Variants in EYA1 observed in about 807,000 individuals in gnomAD.
EYA1 encodes the protein protein phosphatase EYA1.
In EYA1, 16 loss-of-function variants were observed where a neutral mutation model predicts 82.0. The ratio of observed to expected loss-of-function variants is 0.20; its 90% CI spans 0.13 to 0.30. The LOEUF is 0.30. Ranked by LOEUF, EYA1 falls within the 10% of genes least tolerant of loss-of-function variation. EYA1 has a pLI of 1.00. For synonymous variants in EYA1, 261 were observed against 264.4 expected, an observed-to-expected ratio of 0.99 and a Z score of 0.12; for missense variants, 633 against 730.7, an observed-to-expected ratio of 0.87 and a Z score of 1.54.
At chr8:71,388,470 T>G (rs1829092847) in intron 2 of EYA1, among the ~76,000 whole-genome samples, 1 of 152,144 alleles carries the variant, frequency 6.6e-6, no homozygotes, top group Non-Finnish European at 1.5e-5. Context: ...TGTGAAGAAC[T>G]TTACAAGGTG....
chr8:71,357,150 G>A (rs550198569), intron 1 of EYA1, among the ~76,000 whole-genome samples: 1 of 152,190 alleles, frequency 6.6e-6, no homozygotes, highest in African/African-American at 2.4e-5. Flanking sequence ...TGAACAATGT[G>A]CTCATTTACC....
chr8:71,202,940 G>A lies in EYA1; in HGVS notation c.1699-3520C>T, dbSNP rs191781745. The stretch of plus-strand genomic sequence containing the variant: ...CAATGATAATATTTTCCCTAAGTAC[G>A]TACTGATGTGAAGATTTTATGCATT... On this transcript the variant is annotated intron_variant, in intron 17 of 17. Transcript: ENST00000340726. 7.9e-5 allele frequency among the ~76,000 whole-genome samples: 12 copies of A among 152,266 alleles called. No individual in the cohort carries two copies. The East Asian group carries it at 9.6e-4, about 12-fold the overall frequency.
chr8:71,242,257 T>C (rs1471391229), intron 12 of EYA1, among the ~76,000 whole-genome samples: 4 of 152,104 alleles, frequency 2.6e-5, no homozygotes, highest in Admixed American at 1.3e-4. Context: ...CCAATTTATT[T>C]TTTAAAATAT....
intron 2 of EYA1, among the ~76,000 whole-genome samples, chr8:71,447,577 TG>T (rs1396613075): frequency 6.6e-6 from 1 of 152,214 alleles, no homozygotes; most frequent in Non-Finnish European, 1.5e-5. Context: ...GATAATTCAT[TG>T]CCACTGAATG....
At chr8:71,363,925 A>G (rs1440063938), upstream of EYA1, among the ~76,000 whole-genome samples, 1 of 152,112 alleles carries the variant, frequency 6.6e-6, no homozygotes, top group African/African-American at 2.4e-5. Flanking sequence ...GATTATATTG[A>G]CAAATCCAGA....
Position 71,279,227 on chromosome 8 carries a change from A to G in EYA1, c.827-7330T>C, listed in dbSNP as rs547382332. ...GAGACTCAGATAAAAATAACAGAGCATATCACTTCCCTAAATGTAGATTCC... is the reference window on the plus strand; with the variant it reads ...GAGACTCAGATAAAAATAACAGAGCGTATCACTTCCCTAAATGTAGATTCC... On this transcript the variant is annotated intron_variant, in intron 9 of 17. Transcript: ENST00000340726. Among the ~76,000 whole-genome samples, 15 of 152,350 alleles carry G rather than the reference A, an allele frequency of 9.8e-5. No individual in the cohort carries two copies. The East Asian group carries it at 2.5e-3, about 25-fold the overall frequency.
At position 71,261,174 on chromosome 8, in the gene EYA1, AT is replaced by A. The variant is rs775242158; in HGVS notation, c.1050+8565del. On this transcript the variant is annotated intron_variant, in intron 11 of 17. Coordinates refer to ENST00000340726, the MANE Select transcript of EYA1 (RefSeq NM_000503.6). ...ACATTGTTTTTTTAAAAAATAAAAA[AT>A]AAAAAACACATAAACACATAACCAA... Among the ~76,000 whole-genome samples the A allele has an allele frequency of 1.1e-3, 165 of 152,266 alleles. 3 individuals carry two copies. In the South Asian group the frequency reaches 0.017, roughly 16 times the overall value.
chr8:71,256,446 C>T (rs1814430602), intron 11 of EYA1, among the ~76,000 whole-genome samples: 1 of 151,984 alleles, frequency 6.6e-6, no homozygotes, highest in Admixed American at 6.6e-5. Flanking sequence ...TGAAACCAGC[C>T]AGTCACAAAA....
At chr8:71,247,555 T>TA (rs2128909840) in intron 11 of EYA1, among the ~76,000 whole-genome samples, 1 of 152,312 alleles carries the variant, frequency 6.6e-6, no homozygotes, top group South Asian at 2.1e-4. Context: ...ATTCTGAAAT[T>TA]GTCCCTTTTT....
chr8:71,273,224 T>C (rs776149169), intron 9 of EYA1, among the ~76,000 whole-genome samples: 1 of 152,206 alleles, frequency 6.6e-6, no homozygotes, highest in Non-Finnish European at 1.5e-5. Context: ...GATGGCAAAC[T>C]TCCTCATCTA....
intron 7 of EYA1, among the ~76,000 whole-genome samples, chr8:71,301,930 T>G (rs1157305504): frequency 1.3e-5 from 2 of 152,126 alleles, no homozygotes; most frequent in Non-Finnish European, 2.9e-5. Context: ...TTTTAAACAT[T>G]GTCCCTTACA....
intron 2 of EYA1, among the ~76,000 whole-genome samples, chr8:71,475,423 A>T (rs1809584144): frequency 6.6e-6 from 1 of 152,192 alleles, no homozygotes; most frequent in East Asian, 1.9e-4. Context: ...TCTTTTCATG[A>T]TAAAAACAAT....
intron 2 of EYA1, among the ~76,000 whole-genome samples, chr8:71,381,819 G>A (rs1828720050): frequency 6.6e-6 from 1 of 152,136 alleles, no homozygotes; most frequent in African/African-American, 2.4e-5. Flanking sequence ...ACAATCTGGT[G>A]TGCAGACACC....
At chr8:71,427,155 C>T (rs148685145) in intron 2 of EYA1, among the ~76,000 whole-genome samples, 9 of 152,306 alleles carry the variant, frequency 5.9e-5, no homozygotes, top group Non-Finnish European at 1.2e-4. Flanking sequence ...TTTTTGTTCT[C>T]TTGAAACATC....
intron 11 of EYA1, among the ~76,000 whole-genome samples, chr8:71,251,111 T>C (rs909062444): frequency 1.3e-5 from 2 of 152,196 alleles, no homozygotes; most frequent in Non-Finnish European, 2.9e-5. Flanking sequence ...ACTTTTCTAT[T>C]TAATGAAGTG....
chr8:71,214,546 A>ACCCT (rs1554595393), intron 16 of EYA1, among the ~76,000 whole-genome samples: 1 of 152,186 alleles, frequency 6.6e-6, no homozygotes, highest in Non-Finnish European at 1.5e-5. Flanking sequence ...TAGCAATAGG[A>ACCCT]CCCTGTAGGA....
intron 4 of EYA1, among the ~76,000 whole-genome samples, chr8:71,324,393 C>A (rs943062811): frequency 6.6e-6 from 1 of 152,140 alleles, no homozygotes; most frequent in Non-Finnish European, 1.5e-5. Flanking sequence ...AATCCCACTT[C>A]TTCTATGTGG....
chr8:71,406,423 CGCAGAAGACAGGTGATTTCTGCATTTCCA>C (rs918734059), intron 2 of EYA1, among the ~76,000 whole-genome samples: 1 of 152,164 alleles, frequency 6.6e-6, no homozygotes, highest in African/African-American at 2.4e-5. Context: ...GCGTGAGCGA[CGCAGAAGACAGGTGATTTCTGCATTTCCA>C]TCTGAGGTAC....
chr8:71,288,209 A>G (rs1818602018), intron 9 of EYA1, among the ~76,000 whole-genome samples: 1 of 152,226 alleles, frequency 6.6e-6, no homozygotes, highest in African/African-American at 2.4e-5. Context: ...ATTCTCAATG[A>G]GTACTGTCAT....
Sources: allele counts gnomAD v4.1 joint callset (sites outside exome capture counted in the v4.1 genomes callset), GRCh38; gene constraint gnomAD v4.1.1; transcripts MANE v1.5; gene names NCBI Gene and HGNC (gene_info 2026-07-23, HGNC 2026-07-21).